The following KIAA0825 variants were observed in gnomAD, a reference collection of about 807,000 sequenced individuals.
KIAA0825 encodes the protein KIAA0825, also known as uncharacterized protein KIAA0825.
Under a neutral mutation model 147.6 loss-of-function variants are expected in KIAA0825, and 119 were observed. The ratio of observed to expected loss-of-function variants is 0.81; its 90% confidence interval spans 0.69 to 0.94. KIAA0825 has a LOEUF of 0.94. KIAA0825 is among the 40% of genes least tolerant of loss of function. The pLI is 0.00. For missense variants in KIAA0825, 1,381 were observed against 1,472.7 expected (o/e 0.94, Z 1.02); for synonymous variants, 470 against 518.1 (o/e 0.91, Z 1.26).
chr5:94,574,862 A>T (rs1177252367), intron 2 of KIAA0825, among the ~76,000 whole-genome samples: 1 of 152,138 alleles, frequency 6.6e-6, no homozygotes, highest in African/African-American at 2.4e-5. Context: ...AATAGCTAGA[A>T]TTAAAAGTAT....
chr5:94,583,641 C>T (rs1011028094), intron 1 of KIAA0825, among the ~76,000 whole-genome samples: 2 of 152,176 alleles, frequency 1.3e-5, no homozygotes, highest in African/African-American at 2.4e-5. Flanking sequence ...CAAACTTAAA[C>T]GTCCCTGCCT....
chr5:94,263,547 A>C (rs1444882610), intron 20 of KIAA0825, among the ~76,000 whole-genome samples: 1 of 152,064 alleles, frequency 6.6e-6, no homozygotes, highest in East Asian at 1.9e-4. Context: ...ATGACTCCTG[A>C]GTGTATGTTT....
intron 20 of KIAA0825, among the ~76,000 whole-genome samples, chr5:94,218,489 G>A (rs558324600): frequency 2.0e-5 from 3 of 152,160 alleles, no homozygotes; most frequent in Non-Finnish European, 2.9e-5. Context: ...AGTGATGTGA[G>A]GGCAAAGAAT....
intron 14 of KIAA0825, among the ~76,000 whole-genome samples, chr5:94,434,002 T>C (rs1756025479): frequency 6.6e-6 from 1 of 152,168 alleles, no homozygotes; most frequent in African/African-American, 2.4e-5. Context: ...AGCAAGATAA[T>C]TACCAGAACA....
rs374196324 is a variant in KIAA0825, at chr5:94,168,591, T to C, written c.3711-14467A>G. On this transcript the variant is annotated intron_variant, in intron 20 of 20. Coordinates refer to ENST00000682413, the MANE Select transcript of KIAA0825 (RefSeq NM_001145678.3). The stretch of plus-strand genomic sequence containing the variant: ...AATGGAATCTGAACCTTTTCTGTTA[T>C]CAGTAAATCATCCACATCTCCTTAG... Among the ~76,000 whole-genome samples the C allele has an allele frequency of 3.9e-5, 6 of 152,312 alleles. No individual in the cohort carries two copies. The East Asian group carries it at 1.2e-3, about 29-fold the overall frequency.
intron 1 of KIAA0825, among the ~76,000 whole-genome samples, chr5:94,596,602 AG>A (rs939517206): frequency 6.6e-6 from 1 of 152,138 alleles, no homozygotes; most frequent in East Asian, 1.9e-4. Context: ...GTTTTTTTCT[AG>A]TCTCTGAAGA....
At chr5:94,588,103 CG>C (rs1315000225) in intron 1 of KIAA0825, among the ~76,000 whole-genome samples, 1 of 151,902 alleles carries the variant, frequency 6.6e-6, no homozygotes, top group African/African-American at 2.4e-5. Context: ...GAAGAAAGCC[CG>C]GCAATACCAT....
At chr5:94,321,047 C>G (rs1288772801) in intron 20 of KIAA0825, among the ~76,000 whole-genome samples, 1 of 151,892 alleles carries the variant, frequency 6.6e-6, no homozygotes, top group Non-Finnish European at 1.5e-5. Flanking sequence ...GTAACTTTTC[C>G]TAGTGAGATT....
intron 3 of KIAA0825, among the ~76,000 whole-genome samples, chr5:94,530,517 T>C (rs768472985): frequency 6.6e-6 from 1 of 152,084 alleles, no homozygotes; most frequent in African/African-American, 2.4e-5. Context: ...CCAGCTCCTA[T>C]TCCAGGTCCC....
intron 2 of KIAA0825, among the ~76,000 whole-genome samples, chr5:94,579,270 C>T (rs185248327): frequency 6.6e-6 from 1 of 152,274 alleles, no homozygotes; most frequent in East Asian, 1.9e-4. Flanking sequence ...AGTTATATAA[C>T]CTTCTCCTTA....
intron 14 of KIAA0825, among the ~76,000 whole-genome samples, chr5:94,431,752 G>A (rs1204356928): frequency 1.3e-5 from 2 of 152,194 alleles, no homozygotes; most frequent in African/African-American, 4.8e-5. Flanking sequence ...TATTAGAGCA[G>A]CTGCCCCTTT....
intron 20 of KIAA0825, among the ~76,000 whole-genome samples, chr5:94,278,871 T>G (rs1259818460): frequency 6.6e-6 from 1 of 152,104 alleles, no homozygotes; most frequent in Non-Finnish European, 1.5e-5. Context: ...CATATGTGGG[T>G]CTCTTTATGG....
intron 5 of KIAA0825, chr5:94,519,289 A>G (rs1294289483): frequency 2.2e-6 from 2 of 905,910 alleles, no homozygotes; most frequent in Non-Finnish European, 2.6e-6. Flanking sequence ...AAAGATGATC[A>G]TAAATTCAAA....
chr5:94,275,794 G>C (rs745439217), intron 20 of KIAA0825, among the ~76,000 whole-genome samples: 1 of 151,990 alleles, frequency 6.6e-6, no homozygotes, highest in Non-Finnish European at 1.5e-5. Flanking sequence ...TACACAGCTC[G>C]CATTGTGTGT....
intron 14 of KIAA0825, among the ~76,000 whole-genome samples, chr5:94,429,675 G>A (rs1296157801): frequency 6.6e-6 from 1 of 152,204 alleles, no homozygotes. Context: ...CTGGGGGGTG[G>A]CAGGGGCCAC....
intron 20 of KIAA0825, among the ~76,000 whole-genome samples, chr5:94,374,785 G>A (rs1486989840): frequency 6.6e-6 from 1 of 152,088 alleles, no homozygotes; most frequent in Non-Finnish European, 1.5e-5. Flanking sequence ...GTCTGAAGTT[G>A]AGTTCATTCT....
chr5:94,176,659 A>G (rs960316808), intron 20 of KIAA0825, among the ~76,000 whole-genome samples: 3 of 152,156 alleles, frequency 2.0e-5, no homozygotes, highest in African/African-American at 7.2e-5. Flanking sequence ...AATCTGCCAT[A>G]GACCAATGCT....
At chr5:94,580,177 A>C (rs1226825855) in intron 2 of KIAA0825, among the ~76,000 whole-genome samples, 1 of 152,196 alleles carries the variant, frequency 6.6e-6, no homozygotes, top group African/African-American at 2.4e-5. Flanking sequence ...ACATTAGAAA[A>C]GAAAGACTAA....
intron 20 of KIAA0825, among the ~76,000 whole-genome samples, chr5:94,347,212 C>T (rs2150351514): frequency 6.6e-6 from 1 of 152,326 alleles, no homozygotes; most frequent in East Asian, 1.9e-4. Flanking sequence ...CATGATGGTC[C>T]TTCCCTACCC....
Sources: allele counts gnomAD v4.1 joint callset (sites outside exome capture counted in the v4.1 genomes callset), GRCh38; gene constraint gnomAD v4.1.1; transcripts MANE v1.5; gene names NCBI Gene and HGNC (gene_info 2026-07-23, HGNC 2026-07-21).